SYNPO2: variants seen among roughly 807,000 people sequenced by gnomAD.
SYNPO2 encodes synaptopodin-2.
Under a neutral mutation model 85.0 loss-of-function variants are expected in SYNPO2, and 56 were observed. The ratio of observed to expected loss-of-function variants is 0.66; its 90% confidence interval spans 0.53 to 0.82. The LOEUF (loss-of-function observed/expected upper bound fraction) is 0.82. Ranked by LOEUF, SYNPO2 falls within the 40% of genes least tolerant of loss-of-function variation. SYNPO2 has a pLI of 0.00. For synonymous variants in SYNPO2, 602 were observed against 591.1 expected (o/e 1.02, Z -0.27); for missense variants, 1,575 against 1,534.2 (o/e 1.03, Z -0.44).
intron 1 of SYNPO2, among the ~76,000 whole-genome samples, chr4:118,932,926 A>T (rs896468376): frequency 6.6e-6 from 1 of 152,174 alleles, no homozygotes; most frequent in Non-Finnish European, 1.5e-5. Flanking sequence ...GCGAGGAAAC[A>T]TGAACTGTAA....
At chr4:118,935,032 C>T (rs1187833239) in intron 1 of SYNPO2, among the ~76,000 whole-genome samples, 2 of 152,110 alleles carry the variant, frequency 1.3e-5, no homozygotes, top group Admixed American at 6.5e-5. Context: ...TCTCCAGGCT[C>T]AATATCCCCC....
At chr4:118,995,899 T>TATC (rs1400217693) in intron 1 of SYNPO2, among the ~76,000 whole-genome samples, 1 of 150,940 alleles carries the variant, frequency 6.6e-6, no homozygotes, top group Non-Finnish European at 1.5e-5. Context: ...TCTATCTATC[T>TATC]ATCTATCATC....
chr4:119,041,342 T>TG (rs1164102454), intron 4 of SYNPO2, among the ~76,000 whole-genome samples: 1 of 152,220 alleles, frequency 6.6e-6, no homozygotes, highest in Non-Finnish European at 1.5e-5. Context: ...ACCTAGCATA[T>TG]CTAACACTGA....
intron 1 of SYNPO2, among the ~76,000 whole-genome samples, chr4:118,878,303 T>G (rs1362512428): frequency 6.6e-6 from 1 of 152,146 alleles, no homozygotes; most frequent in Non-Finnish European, 1.5e-5. Context: ...ATCCCTATGA[T>G]ACGCAATTTA....
chr4:118,918,707 A>T (rs959402580), intron 1 of SYNPO2, among the ~76,000 whole-genome samples: 2 of 152,212 alleles, frequency 1.3e-5, no homozygotes, highest in Admixed American at 1.3e-4. Flanking sequence ...TCTGCTTTGC[A>T]GATAAAGTAA....
intron 1 of SYNPO2, among the ~76,000 whole-genome samples, chr4:118,931,282 G>A (rs1381267453): frequency 6.6e-6 from 1 of 151,536 alleles, no homozygotes; most frequent in Non-Finnish European, 1.5e-5. Flanking sequence ...AGAGCTATAA[G>A]TAGGAGAGCT....
At chr4:118,955,746 ATG>A (rs1734853398) in intron 1 of SYNPO2, among the ~76,000 whole-genome samples, 1 of 48,562 alleles carries the variant, frequency 2.1e-5, no homozygotes. Flanking sequence ...TGTGACTCTC[ATG>A]TGAAGAATGT....
intron 1 of SYNPO2, among the ~76,000 whole-genome samples, chr4:118,959,089 T>G (rs540069281): frequency 1.3e-5 from 2 of 152,334 alleles, no homozygotes; most frequent in South Asian, 4.1e-4. Flanking sequence ...TACAAAGTTG[T>G]TGGTAACACT....
At chr4:119,041,330 T>C (rs906931491) in intron 4 of SYNPO2, among the ~76,000 whole-genome samples, 1 of 152,238 alleles carries the variant, frequency 6.6e-6, no homozygotes, top group Non-Finnish European at 1.5e-5. Flanking sequence ...TGTTCTTTTT[T>C]CACCTAGCAT....
At chr4:118,900,703 C>CTCTATATATATATATATATA (rs1277981772) in intron 1 of SYNPO2, among the ~76,000 whole-genome samples, 4 of 43,896 alleles carry the variant, frequency 9.1e-5, no homozygotes, top group Non-Finnish European at 1.4e-4. Flanking sequence ...CTCTCTCTCT[C>CTCTATATATATATATATATA]TATATATATA....
rs185298911 is a variant in SYNPO2, at chr4:118,928,736, A to G, written c.105+39595A>G. Among the ~76,000 whole-genome samples, 5 of 152,222 alleles carry G rather than the reference A, an allele frequency of 3.3e-5. No homozygotes were observed. The East Asian group carries it at 9.6e-4, about 29-fold the overall frequency. On this transcript the variant is annotated intron_variant, in intron 1 of 4. Transcript: ENST00000307142. ...TATTAGAGTGAATCAAAATGGTTAA[A>G]CCTAGTTATCTTGGGATACTGTGAG...
At chr4:119,032,243 A>G (rs1233130388) in intron 4 of SYNPO2, 2 of 1,428,192 alleles carry the variant, frequency 1.4e-6, no homozygotes, top group Non-Finnish European at 1.8e-6. Flanking sequence ...GACCTAAAAT[A>G]TATTTATCTT....
At chr4:118,957,565 A>T (rs1180296586) in intron 1 of SYNPO2, among the ~76,000 whole-genome samples, 1 of 152,184 alleles carries the variant, frequency 6.6e-6, no homozygotes, top group African/African-American at 2.4e-5. Context: ...TACTCTGTTC[A>T]TGGGATACAC....
chr4:118,936,121 G>T (rs1001278743), intron 1 of SYNPO2, among the ~76,000 whole-genome samples: 1 of 152,116 alleles, frequency 6.6e-6, no homozygotes, highest in East Asian at 1.9e-4. Context: ...AATTGCCCAG[G>T]GTATTCAGTA....
At chr4:118,971,283 G>A (rs1220359569) in intron 1 of SYNPO2, among the ~76,000 whole-genome samples, 1 of 152,146 alleles carries the variant, frequency 6.6e-6, no homozygotes, top group African/African-American at 2.4e-5. Context: ...GCGAACCCAT[G>A]ACTCTTAAGA....
At position 118,874,831 on chromosome 4, in the gene SYNPO2, T is replaced by C. The variant is rs113057748; in HGVS notation, c.12+23891T>C. On this transcript the variant is annotated intron_variant, in intron 1 of 4. Coordinates refer to the SYNPO2 transcript ENST00000610556. Reference sequence around the variant, plus strand: ...CCACAAACACACAATGCTGCAAAAATACACAAAATTCAGATACATGACTGT... The same window carrying C: ...CCACAAACACACAATGCTGCAAAAACACACAAAATTCAGATACATGACTGT... 2.4e-3 allele frequency among the ~76,000 whole-genome samples: 373 copies of C among 152,286 alleles called. 2 individuals carry two copies. The highest frequency in any genetic ancestry group is 8.5e-3 in the African/African-American group (354 of 41,572).
At chr4:118,962,274 G>A (rs1424979128) in intron 1 of SYNPO2, among the ~76,000 whole-genome samples, 1 of 152,144 alleles carries the variant, frequency 6.6e-6, no homozygotes, top group Non-Finnish European at 1.5e-5. Flanking sequence ...TAGCCCCAGG[G>A]TGATAGAAAA....
Position 119,005,452 on chromosome 4 carries a change from C to A in SYNPO2, c.106-17978C>A, listed in dbSNP as rs557487045. Among the ~76,000 whole-genome samples the A allele has an allele frequency of 3.4e-5, 5 of 148,938 alleles. No homozygotes were observed. In the East Asian group the frequency reaches 7.9e-4, roughly 24 times the overall value. ...GTTTCAGCTTTCTACATATGGCTAG[C>A]CAGTTTTCCCAGCACCATTTATTAA... is the stretch of plus-strand genomic sequence containing the variant. On this transcript the variant is annotated intron_variant, in intron 1 of 4. Coordinates refer to ENST00000307142, the MANE Select transcript of SYNPO2 (RefSeq NM_133477.3).
intron 1 of SYNPO2, among the ~76,000 whole-genome samples, chr4:118,920,875 AC>A (rs138270943): frequency 0.014 from 2,166 of 151,314 alleles, 45 homozygotes; most frequent in African/African-American, 0.05. Flanking sequence ...ATTAAGATCC[AC>A]CTGATTTCTT....
Sources: allele counts gnomAD v4.1 joint callset (sites outside exome capture counted in the v4.1 genomes callset), GRCh38; gene constraint gnomAD v4.1.1; transcripts MANE v1.5; gene names NCBI Gene and HGNC (gene_info 2026-07-23, HGNC 2026-07-21).